The following PHACTR1 variants were observed in gnomAD, a reference collection of about 807,000 sequenced individuals.
The protein encoded by PHACTR1 is RPEL repeat containing 1.
A neutral mutation model predicts 69.2 loss-of-function variants in PHACTR1; 16 were observed. The ratio of observed to expected loss-of-function variants is 0.23; its 90% CI spans 0.16 to 0.35. PHACTR1 has a LOEUF of 0.35. Among genes scored for constraint, PHACTR1 ranks in the 10% least tolerant of loss-of-function variants. PHACTR1 has a pLI of 1.00. For missense variants in PHACTR1, 510 were observed against 734.7 expected (o/e 0.69, Z 3.54); for synonymous variants, 312 against 284.5 (o/e 1.10, Z -0.97).
At chr6:13,254,935 C>T (rs1774971319) in intron 10 of PHACTR1, among the ~76,000 whole-genome samples, 1 of 152,188 alleles carries the variant, frequency 6.6e-6, no homozygotes, top group South Asian at 2.1e-4. Flanking sequence ...CTGAGAAAGA[C>T]CCACCTCTTA....
At chr6:13,236,899 GCAGA>G (rs1351839283) in intron 10 of PHACTR1, among the ~76,000 whole-genome samples, 5 of 152,164 alleles carry the variant, frequency 3.3e-5, no homozygotes, top group Admixed American at 1.3e-4. Flanking sequence ...CAGAAGTGAA[GCAGA>G]CAGTGAGGAG....
intron 4 of PHACTR1, among the ~76,000 whole-genome samples, chr6:12,963,224 A>G (rs982936060): frequency 6.6e-6 from 1 of 152,230 alleles, no homozygotes; most frequent in Admixed American, 6.5e-5. Context: ...GCATGGACGA[A>G]AAAGTAATAA....
intron 4 of PHACTR1, among the ~76,000 whole-genome samples, chr6:12,764,797 A>C (rs996889722): frequency 6.6e-6 from 1 of 152,146 alleles, no homozygotes; most frequent in Admixed American, 6.5e-5. Context: ...ATCATCATGC[A>C]TAGAAGGAGA....
chr6:12,820,621 C>T (rs1776097524), intron 4 of PHACTR1, among the ~76,000 whole-genome samples: 1 of 152,164 alleles, frequency 6.6e-6, no homozygotes, highest in Non-Finnish European at 1.5e-5. Flanking sequence ...GCCTTGTATA[C>T]TTTGAGTGTC....
At chr6:12,922,471 A>G (rs1385420052) in intron 4 of PHACTR1, among the ~76,000 whole-genome samples, 1 of 145,172 alleles carries the variant, frequency 6.9e-6, no homozygotes, top group African/African-American at 2.5e-5. Context: ...AGCCATCAGC[A>G]TCCATAAAGG....
chr6:13,095,009 T>G (rs1813940244), intron 5 of PHACTR1, among the ~76,000 whole-genome samples: 1 of 152,134 alleles, frequency 6.6e-6, no homozygotes, highest in Admixed American at 6.5e-5. Context: ...CCAGAGAGCT[T>G]GCTAGCCTAG....
At chr6:12,832,729 G>A (rs1777719005) in intron 4 of PHACTR1, among the ~76,000 whole-genome samples, 1 of 152,012 alleles carries the variant, frequency 6.6e-6, no homozygotes, top group African/African-American at 2.4e-5. Context: ...AAATAATTTA[G>A]TTTCAGACCT....
chr6:13,277,451 T>G (rs1418772596), intron 11 of PHACTR1, among the ~76,000 whole-genome samples: 2 of 152,352 alleles, frequency 1.3e-5, no homozygotes, highest in East Asian at 3.9e-4. Context: ...AAATTCCTCC[T>G]GCCTTGTCTT....
intron 4 of PHACTR1, among the ~76,000 whole-genome samples, chr6:12,902,165 A>G (rs1785268834): frequency 1.3e-5 from 2 of 152,262 alleles, no homozygotes; most frequent in South Asian, 4.1e-4. Flanking sequence ...GCTCATGCCT[A>G]TAATCCCAGC....
chr6:12,853,136 A>G (rs1779994353), intron 4 of PHACTR1, among the ~76,000 whole-genome samples: 1 of 152,216 alleles, frequency 6.6e-6, no homozygotes, highest in Non-Finnish European at 1.5e-5. Context: ...AAAGGCACAT[A>G]TTAAGTACCA....
chr6:12,718,635 C>T, intron 2 of PHACTR1, 64 bp from the exon 3 acceptor site: 1 of 436,882 alleles, frequency 2.3e-6, no homozygotes. Context: ...TTTTAAAGTA[C>T]ATCTATATAT....
At chr6:13,069,382 G>A (rs1809168204) in intron 5 of PHACTR1, among the ~76,000 whole-genome samples, 1 of 151,876 alleles carries the variant, frequency 6.6e-6, no homozygotes, top group Admixed American at 6.6e-5. Flanking sequence ...TCTCTCCAAA[G>A]TTCTGATGGC....
At chr6:12,944,813 G>T (rs1171028311) in intron 4 of PHACTR1, among the ~76,000 whole-genome samples, 2 of 148,882 alleles carry the variant, frequency 1.3e-5, no homozygotes, top group Non-Finnish European at 3.0e-5. Context: ...GACGGAGTCT[G>T]GCTCTATCGC....
intron 4 of PHACTR1, among the ~76,000 whole-genome samples, chr6:12,864,916 G>A (rs9381456): frequency 0.61 from 92,941 of 151,910 alleles, 30,155 homozygotes; most frequent in East Asian, 0.99. Context: ...TTCTCTTCTT[G>A]ATTTTCTTGT....
At chr6:12,981,285 G>C (rs1795497535) in intron 4 of PHACTR1, among the ~76,000 whole-genome samples, 1 of 152,180 alleles carries the variant, frequency 6.6e-6, no homozygotes. Context: ...AAAGACAGTA[G>C]CATAAAAACT....
chr6:13,124,857 G>A (rs918746180), intron 5 of PHACTR1, among the ~76,000 whole-genome samples: 1 of 152,172 alleles, frequency 6.6e-6, no homozygotes, highest in Non-Finnish European at 1.5e-5. Flanking sequence ...CTTATATGGT[G>A]TCTTTTCTTA....
At chr6:13,177,494 AAATAAAACTC>A (rs1293940548) in intron 6 of PHACTR1, among the ~76,000 whole-genome samples, 1 of 151,894 alleles carries the variant, frequency 6.6e-6, no homozygotes, top group Non-Finnish European at 1.5e-5. Flanking sequence ...ATCTATTTCT[AAATAAAACTC>A]TTGTTACATA....
chr6:13,036,951 G>A (rs1235905493), intron 4 of PHACTR1, among the ~76,000 whole-genome samples: 3 of 152,052 alleles, frequency 2.0e-5, no homozygotes, highest in Non-Finnish European at 2.9e-5. Flanking sequence ...TGTCATAAAC[G>A]GTCCTTGCCC....
intron 7 of PHACTR1, among the ~76,000 whole-genome samples, chr6:13,193,357 G>GTGTGTATA (rs536184609): frequency 1.5e-5 from 1 of 68,162 alleles, no homozygotes; most frequent in African/African-American, 4.2e-5. Context: ...AGCTCTCTGT[G>GTGTGTATA]TATATATATA....
Sources: gnomAD v4.1 joint callset for allele counts (sites outside exome capture counted in the v4.1 genomes callset) on GRCh38, gnomAD v4.1.1 for gene constraint, MANE v1.5 for transcripts, NCBI Gene and HGNC (gene_info 2026-07-23, HGNC 2026-07-21) for gene names.